Variants in NRG1 observed in about 807,000 individuals in gnomAD.
NRG1 encodes pro-neuregulin-1, membrane-bound isoform.
A neutral mutation model predicts 63.8 loss-of-function variants in NRG1; 18 were observed. The observed-to-expected ratio is 0.28, with a 90% CI of 0.19 to 0.42. NRG1 has a LOEUF of 0.42. NRG1 is among the 10% of genes least tolerant of loss of function. The pLI, the probability that NRG1 is intolerant of heterozygous loss-of-function variation, is 1.00. For missense variants in NRG1, 762 were observed against 814.7 expected (o/e 0.94, Z 0.79); for synonymous variants, 302 against 301.3 (o/e 1.00, Z -0.02).
intron 3 of NRG1, among the ~76,000 whole-genome samples, chr8:32,609,668 T>G (rs1434119856): frequency 2.0e-5 from 3 of 147,008 alleles, no homozygotes; most frequent in Non-Finnish European, 4.5e-5. Flanking sequence ...TTTCCTTTTT[T>G]TTTTTTTTTT....
intron 1 of NRG1, among the ~76,000 whole-genome samples, chr8:32,322,863 T>TTG (rs1439397346): frequency 1.1e-4 from 1 of 8,942 alleles, no homozygotes. Flanking sequence ...ATTCTCTGGG[T>TTG]TTTTTTTTTT....
intron 1 of NRG1, among the ~76,000 whole-genome samples, chr8:31,834,305 G>GCACACACA (rs1554547004): frequency 2.2e-3 from 313 of 144,360 alleles, no homozygotes; most frequent in Middle Eastern, 7.5e-3. Context: ...GCGCGCACGC[G>GCACACACA]CGCACACACA....
intron 5 of NRG1, among the ~76,000 whole-genome samples, chr8:32,642,963 G>C (rs17666554): frequency 0.3 from 45,859 of 152,124 alleles, 7,488 homozygotes; most frequent in Non-Finnish European, 0.36. Context: ...AGAATGACTA[G>C]CTTGAATTCA....
intron 1 of NRG1, among the ~76,000 whole-genome samples, chr8:31,748,466 C>T (rs1816117620): frequency 6.6e-6 from 1 of 151,854 alleles, no homozygotes; most frequent in Admixed American, 6.6e-5. Flanking sequence ...AACTATTTCA[C>T]ATTTTGCCTC....
chr8:32,480,805 C>A (rs1034347058), intron 1 of NRG1, among the ~76,000 whole-genome samples: 2 of 152,102 alleles, frequency 1.3e-5, no homozygotes, highest in African/African-American at 4.8e-5. Context: ...TTTAAACAAC[C>A]AGATCTCATA....
chr8:32,465,790 T>C (rs2129489780), intron 1 of NRG1, among the ~76,000 whole-genome samples: 1 of 152,284 alleles, frequency 6.6e-6, no homozygotes, highest in South Asian at 2.1e-4. Flanking sequence ...TGATATAAAA[T>C]ACAGCATATA....
chr8:32,464,664 G>A (rs142276534), intron 1 of NRG1, among the ~76,000 whole-genome samples: 12 of 152,120 alleles, frequency 7.9e-5, no homozygotes, highest in East Asian at 3.9e-4. Context: ...TTCCCAGACC[G>A]TGGTTTTTTT....
At chr8:32,654,460 G>A (rs571093387) in intron 5 of NRG1, among the ~76,000 whole-genome samples, 16 of 151,638 alleles carry the variant, frequency 1.1e-4, no homozygotes, top group Non-Finnish European at 2.2e-4. Context: ...GAAACCCTGT[G>A]TCTACTAAAA....
intron 1 of NRG1, among the ~76,000 whole-genome samples, chr8:32,325,444 CAA>C (rs1801880577): frequency 1.3e-5 from 2 of 152,196 alleles, no homozygotes; most frequent in African/African-American, 4.8e-5. Context: ...TGCAGTGGCA[CAA>C]ACGTGGCTCA....
intron 5 of NRG1, among the ~76,000 whole-genome samples, chr8:32,641,054 G>A (rs1852289588): frequency 6.6e-6 from 1 of 151,762 alleles, no homozygotes; most frequent in African/African-American, 2.4e-5. Flanking sequence ...AAGGTGGGAG[G>A]ATTGCTTGAG....
intron 1 of NRG1, among the ~76,000 whole-genome samples, chr8:31,681,016 C>G (rs1808286418): frequency 6.6e-6 from 1 of 151,668 alleles, no homozygotes; most frequent in African/African-American, 2.4e-5. Flanking sequence ...ACTAGAGGAC[C>G]CAGGAAGAGA....
At chr8:32,415,920 A>C (rs944762490) in intron 1 of NRG1, among the ~76,000 whole-genome samples, 1 of 152,240 alleles carries the variant, frequency 6.6e-6, no homozygotes, top group African/African-American at 2.4e-5. Flanking sequence ...TCATCTGTGC[A>C]GATTGCTGTA....
intron 1 of NRG1, among the ~76,000 whole-genome samples, chr8:32,414,729 CAT>C (rs2129485700): frequency 6.6e-6 from 1 of 152,260 alleles, no homozygotes; most frequent in Admixed American, 6.5e-5. Flanking sequence ...CATTTTAAGC[CAT>C]GTTTTAGAAT....
intron 1 of NRG1, among the ~76,000 whole-genome samples, chr8:32,140,700 T>G (rs1836134460): frequency 6.6e-6 from 1 of 152,112 alleles, no homozygotes; most frequent in Non-Finnish European, 1.5e-5. Context: ...TGGGCTCAAG[T>G]GATCTTCCCA....
intron 1 of NRG1, among the ~76,000 whole-genome samples, chr8:32,456,692 G>T (rs1303222529): frequency 6.6e-6 from 1 of 152,144 alleles, no homozygotes; most frequent in African/African-American, 2.4e-5. Flanking sequence ...TGCTGGTAAG[G>T]CTTCTAGTCA....
chr8:32,375,113 G>C (rs190438966), intron 1 of NRG1, among the ~76,000 whole-genome samples: 1 of 152,016 alleles, frequency 6.6e-6, no homozygotes, highest in Admixed American at 6.6e-5. Context: ...CTCCTGAGTA[G>C]CTGGGACTAC....
chr8:32,688,014 T>C (rs914457239), intron 5 of NRG1, among the ~76,000 whole-genome samples: 2 of 152,090 alleles, frequency 1.3e-5, no homozygotes, highest in African/African-American at 2.4e-5. Flanking sequence ...GATTTGGGTA[T>C]GGACAAATAT....
intron 1 of NRG1, among the ~76,000 whole-genome samples, chr8:32,398,410 A>ATT (rs59321367): frequency 7.0e-6 from 1 of 142,264 alleles, no homozygotes; most frequent in African/African-American, 2.6e-5. Flanking sequence ...TTCCACCCAA[A>ATT]TTTTTTTTTT....
At chr8:32,292,678 G>A (rs1326324096) in intron 1 of NRG1, among the ~76,000 whole-genome samples, 1 of 152,142 alleles carries the variant, frequency 6.6e-6, no homozygotes, top group African/African-American at 2.4e-5. Flanking sequence ...AACTAATAAG[G>A]CAATAAATAG....
Sources: allele counts gnomAD v4.1 joint callset (sites outside exome capture counted in the v4.1 genomes callset), GRCh38; gene constraint gnomAD v4.1.1; transcripts MANE v1.5; gene names NCBI Gene and HGNC (gene_info 2026-07-23, HGNC 2026-07-21).